Variants in PPM1D observed in about 807,000 individuals in gnomAD.
The protein encoded by PPM1D is protein phosphatase 1D.
Under a neutral mutation model 58.3 loss-of-function variants are expected in PPM1D, and 52 were observed. The observed-to-expected ratio is 0.89, with a 90% CI of 0.71 to 1.12. The LOEUF (loss-of-function observed/expected upper bound fraction) is 1.12, where lower values mean the gene tolerates loss of function less well. Ranked by LOEUF, PPM1D falls within the 50% of genes most tolerant of loss-of-function variation. The pLI, the probability that PPM1D is intolerant of heterozygous loss-of-function variation, is 0.00. For missense variants in PPM1D, 564 were observed against 777.2 expected, an observed-to-expected ratio of 0.73 and a Z score of 3.26; for synonymous variants, 278 against 285.1, an observed-to-expected ratio of 0.98 and a Z score of 0.25.
At chr17:60,659,045 G>T (rs1390367897) in intron 5 of PPM1D, among the ~76,000 whole-genome samples, 3 of 152,162 alleles carry the variant, frequency 2.0e-5, no homozygotes, top group Admixed American at 1.3e-4. Context: ...CCATATGCAG[G>T]TATAGTTATT....
chr17:60,600,259 C>G lies in PPM1D; in HGVS notation c.-156C>G. 6 of 1,386,640 alleles carry G rather than the reference C, an allele frequency of 4.3e-6. No homozygotes were observed. The highest frequency in any genetic ancestry group is 1.5e-5 in the South Asian group (1 of 68,906). The allele number at this position is 1,386,640 out of a possible 1,614,324, so 85.9% of individuals were successfully genotyped here. On this transcript the variant is annotated 5_prime_UTR_variant, in exon 1 of 6. Transcript: ENST00000305921. The stretch of plus-strand genomic sequence containing the variant: ...TCCGGCCCAGCTCTCGCGGACAAGT[C>G]CAGACATCGCGCGCCCCCCCTTCTC...
intron 1 of PPM1D, among the ~76,000 whole-genome samples, chr17:60,613,890 G>GCCCCCCCCCCCCCCCCCCCCCCCC (rs61669650): frequency 7.3e-6 from 1 of 137,368 alleles, no homozygotes; most frequent in African/African-American, 2.9e-5. Flanking sequence ...CATACCTGAG[G>GCCCCCCCCCCCCCCCCCCCCCCCC]CCCCCCCCCC....
chr17:60,635,552 T>C (rs568474629), intron 3 of PPM1D, among the ~76,000 whole-genome samples: 11 of 152,338 alleles, frequency 7.2e-5, no homozygotes, highest in African/African-American at 2.4e-4. Context: ...ATGGAATTTC[T>C]GGGTCATAGT....
intron 3 of PPM1D, among the ~76,000 whole-genome samples, chr17:60,638,055 G>A (rs184771755): frequency 6.6e-6 from 1 of 152,266 alleles, no homozygotes; most frequent in Admixed American, 6.5e-5. Flanking sequence ...CCATGATTGG[G>A]GTTATTGAAG....
intron 1 of PPM1D, among the ~76,000 whole-genome samples, chr17:60,620,613 GC>G (rs1397428852): frequency 4.0e-5 from 6 of 150,950 alleles, no homozygotes; most frequent in Non-Finnish European, 7.4e-5. Flanking sequence ...TGCAATCTCT[GC>G]CTCCTGAGGT....
intron 2 of PPM1D, among the ~76,000 whole-genome samples, chr17:60,626,665 A>T (rs2030816856): frequency 6.6e-6 from 1 of 152,080 alleles, no homozygotes; most frequent in Admixed American, 6.6e-5. Context: ...AAGTGCTGGG[A>T]TTACAGGCGT....
At chr17:60,647,739 T>C (rs762093627) in intron 3 of PPM1D, among the ~76,000 whole-genome samples, 153 bp from the exon 4 acceptor site, 2 of 152,258 alleles carry the variant, frequency 1.3e-5, no homozygotes, top group African/African-American at 2.4e-5. Flanking sequence ...CTTAGTTTGC[T>C]AGGAAATCTT....
Position 60,663,307 on chromosome 17 carries a change from G to T in PPM1D, c.1573G>T (p.Glu525Ter), listed in dbSNP as rs759850701. Residue 525 changes from glutamate to a stop codon, truncating the protein, a stop_gained, in exon 6 of 6, where the codon GAA becomes TAA. Coordinates refer to ENST00000305921, the MANE Select transcript of PPM1D (RefSeq NM_003620.4). LOFTEE classifies it high-confidence loss of function. Reference sequence around the variant, plus strand: ...AACTCCTGGCCAAATGAAAGCCCAAGAAATTGAAAGAACCCCTCCAACAAA... The same window carrying T: ...AACTCCTGGCCAAATGAAAGCCCAATAAATTGAAAGAACCCCTCCAACAAA... ...MSTPGQMKAQEIERTPPTNFK... is the reference protein window; with the variant it reads ...MSTPGQMKAQ 1.9e-6 allele frequency: 3 copies of T among 1,614,050 alleles called. No individual in the cohort carries two copies. Among genetic ancestry groups the T allele is most frequent in the Non-Finnish European group, 1.7e-6 (2 of 1,180,026 alleles).
At chr17:60,612,885 C>T (rs1233604832) in intron 1 of PPM1D, among the ~76,000 whole-genome samples, 1 of 152,060 alleles carries the variant, frequency 6.6e-6, no homozygotes, top group Non-Finnish European at 1.5e-5. Context: ...TGGGATTTAC[C>T]ACCCCTTCTT....
Position 60,600,223 on chromosome 17 carries a change from C to T in PPM1D, c.-192C>T. 1 of 1,161,774 alleles carries T rather than the reference C, an allele frequency of 8.6e-7. No homozygotes were observed. The highest frequency in any genetic ancestry group is 1.6e-5 in the South Asian group (1 of 61,644). The allele number at this position is 1,161,774 out of a possible 1,614,324, so 72.0% of individuals were successfully genotyped here. On this transcript the variant is annotated 5_prime_UTR_variant, in exon 1 of 6. Coordinates refer to ENST00000305921, the MANE Select transcript of PPM1D (RefSeq NM_003620.4). Reference sequence around the variant, plus strand: ...GCAGGCGCAACTGCCTGGCTCTGCTCGCTCCGGCGCTCCGGCCCAGCTCTC... The same window carrying T: ...GCAGGCGCAACTGCCTGGCTCTGCTTGCTCCGGCGCTCCGGCCCAGCTCTC...
At chr17:60,634,192 C>T (rs1042413943) in intron 3 of PPM1D, among the ~76,000 whole-genome samples, 1 of 152,140 alleles carries the variant, frequency 6.6e-6, no homozygotes. Context: ...GGGCGGATCT[C>T]TTGAGGTCAG....
intron 2 of PPM1D, among the ~76,000 whole-genome samples, chr17:60,630,038 TC>T (rs2030888278): frequency 6.7e-6 from 1 of 149,048 alleles, no homozygotes; most frequent in Non-Finnish European, 1.5e-5. Context: ...GAAAACTGTC[TC>T]AAAAAAAATA....
At chr17:60,609,036 C>T (rs1028412671) in intron 1 of PPM1D, among the ~76,000 whole-genome samples, 11 of 151,882 alleles carry the variant, frequency 7.2e-5, no homozygotes, top group East Asian at 1.9e-4. Context: ...CGTGAGCCAC[C>T]GCGCCCGGCC....
rs900624074 is a variant in PPM1D, at chr17:60,663,323, C to T, written c.1589C>T (p.Pro530Leu). The T allele has an allele frequency of 1.9e-6, 3 of 1,614,180 alleles. No homozygotes were observed. Among genetic ancestry groups the T allele is most frequent in the Non-Finnish European group, 2.5e-6 (3 of 1,180,038 alleles). The change falls in exon 6 of 6, where the codon CCT becomes CTT. Residue 530 changes from proline (P) to leucine (L), a missense_variant. Around this residue, in one of 7 missense-constraint regions of PPM1D, gnomAD observed 261 missense variants for 270.1 expected, o/e 0.97. Transcript: ENST00000305921. ...AAAGCCCAAGAAATTGAAAGAACCC[C>T]TCCAACAAACTTTAAAAGGACATTA... ...QMKAQEIERT[P>L]PTNFKRTLEE...
chr17:60,626,021 C>G (rs952861380), intron 2 of PPM1D, among the ~76,000 whole-genome samples: 6 of 152,096 alleles, frequency 3.9e-5, no homozygotes, highest in Non-Finnish European at 5.9e-5. Flanking sequence ...TATTCATATA[C>G]AATCAAATAT....
chr17:60,662,947 G>C, intron 5 of PPM1D, 48 bp from the exon 6 acceptor site: 1 of 1,515,942 alleles, frequency 6.6e-7, no homozygotes, highest in Non-Finnish European at 8.9e-7. Flanking sequence ...GATTTGTTGA[G>C]TTCTGGGATA....
At chr17:60,656,509 C>T (rs1433321937) in intron 4 of PPM1D, 90 bp from the exon 5 acceptor site, 81 of 1,494,950 alleles carry the variant, frequency 5.4e-5, no homozygotes, top group Non-Finnish European at 6.1e-5. Flanking sequence ...TGGGCCACAG[C>T]GAACACCAAA....
At chr17:60,625,546 A>G (rs998526602) in intron 2 of PPM1D, among the ~76,000 whole-genome samples, 1 of 152,248 alleles carries the variant, frequency 6.6e-6, no homozygotes, top group African/African-American at 2.4e-5. Context: ...ACAGCTGGAT[A>G]ATGGTTAAGT....
At chr17:60,614,851 G>T (rs1373042995) in intron 1 of PPM1D, among the ~76,000 whole-genome samples, 1 of 151,994 alleles carries the variant, frequency 6.6e-6, no homozygotes, top group Non-Finnish European at 1.5e-5. Context: ...AAGAAACTCC[G>T]AACACATCCG....
Sources: allele counts gnomAD v4.1 joint callset (sites outside exome capture counted in the v4.1 genomes callset), GRCh38; gene constraint gnomAD v4.1.1; regional missense constraint gnomAD v4.1.1; transcripts MANE v1.5; gene names NCBI Gene and HGNC (gene_info 2026-07-23, HGNC 2026-07-21).